MUSK: variants seen among roughly 807,000 people sequenced by gnomAD.
The protein encoded by MUSK is muscle, skeletal receptor tyrosine-protein kinase.
Under a neutral mutation model 88.7 loss-of-function variants are expected in MUSK, and 55 were observed. That is an observed-to-expected ratio of 0.62 (90% confidence interval 0.50 to 0.78). The LOEUF is 0.78. MUSK is among the 30% of genes least tolerant of loss of function. The probability of loss-of-function intolerance (pLI) is 0.00; values close to 1 mark genes in which losing one functional copy is unlikely to be tolerated. For missense variants in MUSK, 1,015 were observed against 1,074.3 expected, an observed-to-expected ratio of 0.94 and a Z score of 0.77; for synonymous variants, 387 against 391.9, an observed-to-expected ratio of 0.99 and a Z score of 0.15.
chr9:110,744,425 A>C (rs1272365413), intron 6 of MUSK, among the ~76,000 whole-genome samples: 1 of 152,192 alleles, frequency 6.6e-6, no homozygotes, highest in Non-Finnish European at 1.5e-5. Context: ...GGATTCTCTC[A>C]AGACCGCATT....
chr9:110,687,083 G>T (rs1326374187), intron 2 of MUSK, 34 bp from the exon 3 acceptor site: 3 of 1,597,264 alleles, frequency 1.9e-6, no homozygotes, highest in Non-Finnish European at 2.6e-6. Flanking sequence ...CACAGAGGAA[G>T]CACTAATCTG....
intron 9 of MUSK, among the ~76,000 whole-genome samples, chr9:110,772,701 C>T (rs1173898957): frequency 6.6e-6 from 1 of 152,044 alleles, no homozygotes; most frequent in Non-Finnish European, 1.5e-5. Context: ...AGTGATGCGT[C>T]AAAATTTTCA....
intron 7 of MUSK, among the ~76,000 whole-genome samples, chr9:110,760,439 C>T (rs903757323): frequency 2.6e-5 from 4 of 152,054 alleles, no homozygotes; most frequent in Non-Finnish European, 5.9e-5. Context: ...AGGCCACTAT[C>T]CTTAGCAAAC....
At chr9:110,727,353 C>A (rs533884768) in intron 5 of MUSK, 1 of 152,166 alleles carries the variant, frequency 6.6e-6, no homozygotes, top group African/African-American at 2.4e-5. Flanking sequence ...AGACTTAGAT[C>A]CTTTGTCCGG....
chr9:110,675,158 C>T (rs1005095352), intron 1 of MUSK, among the ~76,000 whole-genome samples: 2 of 150,570 alleles, frequency 1.3e-5, no homozygotes. Context: ...AAGTGACTTG[C>T]AGAGTCGGTA....
chr9:110,700,961 A>C (rs571125690), intron 5 of MUSK, among the ~76,000 whole-genome samples: 35 of 152,364 alleles, frequency 2.3e-4, no homozygotes, highest in African/African-American at 8.2e-4. Context: ...TGTAATAGGA[A>C]GAAAAGAGAA....
At chr9:110,744,272 C>T (rs920156150) in intron 6 of MUSK, among the ~76,000 whole-genome samples, 2 of 152,092 alleles carry the variant, frequency 1.3e-5, no homozygotes, top group African/African-American at 4.8e-5. Context: ...CGGCCCTGGG[C>T]CATATTCTAA....
chr9:110,781,943 C>G (rs971649888), intron 11 of MUSK, among the ~76,000 whole-genome samples: 6 of 152,220 alleles, frequency 3.9e-5, no homozygotes, highest in Admixed American at 3.9e-4. Flanking sequence ...CTTACAGTTA[C>G]TCACTCTAGA....
At position 110,775,886 on chromosome 9, in the gene MUSK, T is replaced by G; in HGVS notation, c.1283T>G (p.Leu428Trp). The change falls in exon 10 of 15, where the codon TTG (leucine) becomes TGG (tryptophan). Residue 428 changes from leucine (L) to tryptophan (W), a missense_variant. Coordinates refer to ENST00000374448, the MANE Select transcript of MUSK (RefSeq NM_005592.4). The part of the protein sequence containing the change: ...HRGLYRSEMH[L>W]LSVPECSKLP... ...GGACTCTACAGATCCGAGATGCATT[T>G]GCTGTCCGTGCCAGAATGCAGCAAG... 1 of 1,613,994 alleles carries G rather than the reference T, an allele frequency of 6.2e-7. No homozygotes were observed. The highest frequency in any genetic ancestry group is 8.5e-7 in the Non-Finnish European group (1 of 1,179,852).
At chr9:110,753,229 G>C (rs551077672) in intron 7 of MUSK, among the ~76,000 whole-genome samples, 1 of 152,210 alleles carries the variant, frequency 6.6e-6, no homozygotes, top group South Asian at 2.1e-4. Context: ...TCAGGAGTTC[G>C]AGACCAGCTT....
rs2077654849 is a variant in MUSK, at chr9:110,775,601, C to T, written c.1185-187C>T. On this transcript the variant is annotated intron_variant, in intron 9 of 14. Transcript: ENST00000374448. The stretch of plus-strand genomic sequence containing the variant: ...CAAAACGAGATAGCATTTCATCTCA[C>T]GGGACAGTACACTAGATTTCATGAG... 5.0e-6 allele frequency: 3 copies of T among 604,046 alleles called. No individual in the cohort carries two copies. The Admixed American group carries it at 8.4e-5, about 17-fold the overall frequency. 37.4% of individuals were successfully genotyped at this position (604,046 alleles called of 1,614,324 possible). A position where few individuals can be genotyped will look rare whatever the true frequency, so the allele number is the denominator to read the frequency against.
rs7860764 is a variant in MUSK at position 110,780,124 on chromosome 9, C to T, written c.1384+3469C>T. Reference sequence around the variant, plus strand: ...AGCCTGTTCATATTTTATATCACAACTGATATACTCTATTTTATCCCTACT... The same window carrying T: ...AGCCTGTTCATATTTTATATCACAATTGATATACTCTATTTTATCCCTACT... On this transcript the variant is annotated intron_variant, in intron 11 of 14. Coordinates refer to ENST00000374448, the MANE Select transcript of MUSK (RefSeq NM_005592.4). 9.6e-3 allele frequency among the ~76,000 whole-genome samples: 1,464 copies of T among 152,280 alleles called. 26 individuals are homozygous for T. Among genetic ancestry groups the T allele is most frequent in the African/African-American group, 0.033 (1,391 of 41,544 alleles).
Position 110,789,459 on chromosome 9 carries a change from G to A in MUSK, c.1927+1621G>A, listed in dbSNP as rs1341150232. Among the ~76,000 whole-genome samples, 3 of 152,308 alleles carry A rather than the reference G, an allele frequency of 2.0e-5. 1 individual carries two copies. The highest frequency in any genetic ancestry group is 4.4e-5 in the Non-Finnish European group (3 of 68,020). ...TACTCAGAAGGAACAGGTTCCTTTA[G>A]TGGAGAGAGTGGGAATTCATTTAAA... is the stretch of plus-strand genomic sequence containing the variant. On this transcript the variant is annotated intron_variant, in intron 14 of 14. Transcript: ENST00000374448.
chr9:110,707,157 CT>C (rs2076610841), intron 5 of MUSK, among the ~76,000 whole-genome samples: 1 of 151,986 alleles, frequency 6.6e-6, no homozygotes, highest in South Asian at 2.1e-4. Flanking sequence ...CGAGACAAGC[CT>C]GGGTGACATG....
rs2078079973 is a variant in MUSK, at chr9:110,800,671, C to T, written c.2293C>T (p.Pro765Ser). Residue 765 changes from proline to serine, a missense_variant, in exon 15 of 15, where the codon CCT becomes TCT. Pro to Ser is a moderately conservative substitution (Grantham distance 74). Transcript: ENST00000374448. ...YYKANENDAIPIRWMPPESIF... is the reference protein window; with the variant it reads ...YYKANENDAISIRWMPPESIF... ...CAAAGCTAATGAAAACGACGCTATC[C>T]CTATCCGTTGGATGCCACCAGAGTC... 6.2e-7 allele frequency: 1 copy of T among 1,613,876 alleles called. No homozygotes were observed. Among genetic ancestry groups the T allele is most frequent in the Non-Finnish European group, 8.5e-7 (1 of 1,179,912 alleles).
At chr9:110,694,415 C>CAAAAAAAAAAAA (rs2076404806) in intron 3 of MUSK, among the ~76,000 whole-genome samples, 1 of 107,484 alleles carries the variant, frequency 9.3e-6, no homozygotes, top group African/African-American at 3.5e-5. Context: ...AACAAAAAAA[C>CAAAAAAAAAAAA]AAAACCCAAC....
At chr9:110,782,227 T>G (rs1318651475) in intron 11 of MUSK, among the ~76,000 whole-genome samples, 1 of 152,060 alleles carries the variant, frequency 6.6e-6, no homozygotes, top group East Asian at 1.9e-4. Context: ...GACAGAAAAT[T>G]GGTGAGAGAA....
intron 9 of MUSK, among the ~76,000 whole-genome samples, chr9:110,775,189 TTCTCA>T (rs1326539685): frequency 4.6e-5 from 7 of 152,184 alleles, no homozygotes; most frequent in Admixed American, 2.0e-4. Context: ...TACTTTGGCT[TTCTCA>T]GATGGAAGCA....
At chr9:110,695,292 T>C in intron 3 of MUSK, 111 bp from the exon 4 acceptor site, 1 of 744,324 alleles carries the variant, frequency 1.3e-6, no homozygotes, top group Non-Finnish European at 2.0e-6. Flanking sequence ...TAATGTAACA[T>C]GCCTCAAATG....
Sources: gnomAD v4.1 joint callset for allele counts (sites outside exome capture counted in the v4.1 genomes callset) on GRCh38, gnomAD v4.1.1 for gene constraint, MANE v1.5 for transcripts, NCBI Gene and HGNC (gene_info 2026-07-23, HGNC 2026-07-21) for gene names.